TENM2: variants seen among roughly 807,000 people sequenced by gnomAD.
TENM2 encodes the protein teneurin-2.
In TENM2, 52 loss-of-function variants were observed where a neutral mutation model predicts 245.2. That is an observed-to-expected ratio of 0.21 (90% confidence interval 0.17 to 0.27). The LOEUF (loss-of-function observed/expected upper bound fraction) is 0.27. Among genes scored for constraint, TENM2 ranks in the 10% least tolerant of loss-of-function variants. The pLI, the probability that TENM2 is intolerant of heterozygous loss-of-function variation, is 1.00. For synonymous variants in TENM2, 1,363 were observed against 1,438.9 expected (o/e 0.95, Z 1.19); for missense variants, 3,046 against 3,666.8 (o/e 0.83, Z 4.37).
At chr5:167,609,817 C>T (rs1777351912) in intron 2 of TENM2, among the ~76,000 whole-genome samples, 1 of 152,088 alleles carries the variant, frequency 6.6e-6, no homozygotes, top group African/African-American at 2.4e-5. Flanking sequence ...CTTCTGGTCA[C>T]CAAAATGTGT....
chr5:168,124,791 C>A, intron 10 of TENM2, 59 bp from the exon 13 acceptor site: 5 of 1,489,454 alleles, frequency 3.4e-6, no homozygotes, highest in Middle Eastern at 1.7e-4. Flanking sequence ...GTCTCATGGT[C>A]CATCCTCCAT....
intron 2 of TENM2, among the ~76,000 whole-genome samples, chr5:167,666,858 G>A (rs980455757): frequency 5.3e-5 from 8 of 152,106 alleles, no homozygotes; most frequent in African/African-American, 1.9e-4. Flanking sequence ...CTTAATTTGG[G>A]GGAGAATAAA....
chr5:167,341,013 G>A (rs919075003), intron 1 of TENM2, among the ~76,000 whole-genome samples: 1 of 152,092 alleles, frequency 6.6e-6, no homozygotes, highest in African/African-American at 2.4e-5. Context: ...AGACCCTCTT[G>A]GTTTGCAGAA....
chr5:168,249,011 C>T (rs1322164296), intron 27 of TENM2, among the ~76,000 whole-genome samples: 2 of 151,674 alleles, frequency 1.3e-5, no homozygotes, highest in Non-Finnish European at 2.9e-5. Flanking sequence ...CCCAGCTACT[C>T]AGGAGGCTGA....
chr5:167,379,877 C>T (rs552745421), intron 2 of TENM2, among the ~76,000 whole-genome samples: 10 of 147,496 alleles, frequency 6.8e-5, no homozygotes, highest in African/African-American at 2.5e-4. Flanking sequence ...TTCCATGGAA[C>T]CTAAAGAAAA....
chr5:167,420,172 T>C (rs1190003077), intron 2 of TENM2, among the ~76,000 whole-genome samples: 1 of 152,202 alleles, frequency 6.6e-6, no homozygotes, highest in Non-Finnish European at 1.5e-5. Flanking sequence ...AAAGCACGTG[T>C]CCGTGAAAAG....
chr5:167,272,758 C>T, the TENM2 span, among the ~76,000 whole-genome samples: 2 of 152,088 alleles, frequency 1.3e-5, no homozygotes, highest in Admixed American at 6.6e-5. Flanking sequence ...TACCATACAT[C>T]CTAAAGGTGC....
At chr5:167,936,196 A>T (rs956941277) in intron 3 of TENM2, among the ~76,000 whole-genome samples, 1 of 152,162 alleles carries the variant, frequency 6.6e-6, no homozygotes, top group Non-Finnish European at 1.5e-5. Context: ...TGTGATGAGT[A>T]ATGTAGTCCT....
At chr5:168,165,642 C>T (rs1278942883) in intron 13 of TENM2, among the ~76,000 whole-genome samples, 2 of 14,030 alleles carry the variant, frequency 1.4e-4, no homozygotes, top group African/African-American at 9.5e-4. Context: ...CAGGATCCCC[C>T]CCCCAACCCC....
chr5:167,025,191 AT>A, the TENM2 span, among the ~76,000 whole-genome samples: 27 of 152,314 alleles, frequency 1.8e-4, no homozygotes, highest in Admixed American at 1.5e-3. Flanking sequence ...TTAATAATAT[AT>A]TTTTTAGCCC....
intron 2 of TENM2, among the ~76,000 whole-genome samples, chr5:167,612,486 A>G (rs950983271): frequency 1.5e-4 from 23 of 152,162 alleles, no homozygotes; most frequent in African/African-American, 4.6e-4. Flanking sequence ...TTCCATGGCT[A>G]CATACCCAAT....
At chr5:168,223,157 T>A (rs1453734868) in intron 23 of TENM2, among the ~76,000 whole-genome samples, 1 of 152,226 alleles carries the variant, frequency 6.6e-6, no homozygotes, top group Non-Finnish European at 1.5e-5. Flanking sequence ...TTTCTCCCTT[T>A]GGCCCATGAG....
intron 2 of TENM2, among the ~76,000 whole-genome samples, chr5:167,583,301 C>G (rs2127687128): frequency 6.6e-6 from 1 of 152,218 alleles, no homozygotes; most frequent in Admixed American, 6.5e-5. Flanking sequence ...ATAAGCTATT[C>G]CCATATTTGT....
At position 167,401,878 on chromosome 5, in the gene TENM2, A is replaced by C. The variant is rs143050103; in HGVS notation, c.502+26405A>C. Among the ~76,000 whole-genome samples, 899 of 152,210 alleles carry C rather than the reference A, an allele frequency of 5.9e-3. 12 individuals are homozygous for C. The highest frequency in any genetic ancestry group is 0.021 in the African/African-American group (853 of 41,546). On this transcript the variant is annotated intron_variant, in intron 2 of 28. Coordinates refer to ENST00000518659, the Ensembl canonical transcript of TENM2. ...TCTTTGTCATTTCCCTAAGTGACAG[A>C]GGAGAAAGGAAGGTGGATAAAAACA...
At chr5:167,514,784 G>A (rs879436223) in intron 2 of TENM2, among the ~76,000 whole-genome samples, 1 of 152,152 alleles carries the variant, frequency 6.6e-6, no homozygotes, top group Admixed American at 6.5e-5. Flanking sequence ...GCTGAGGGGG[G>A]TGGATCACCT....
At chr5:167,088,016 T>A in the TENM2 span, among the ~76,000 whole-genome samples, 2 of 152,014 alleles carry the variant, frequency 1.3e-5, no homozygotes, top group African/African-American at 4.8e-5. Context: ...TCTCAAACTC[T>A]TGACTTCTTG....
intron 2 of TENM2, among the ~76,000 whole-genome samples, chr5:167,621,966 A>C (rs1778204709): frequency 6.6e-6 from 1 of 152,182 alleles, no homozygotes; most frequent in Non-Finnish European, 1.5e-5. Flanking sequence ...TACATTATAA[A>C]AATCTTAAAG....
At chr5:167,218,886 C>T in the TENM2 span, among the ~76,000 whole-genome samples, 1 of 152,138 alleles carries the variant, frequency 6.6e-6, no homozygotes, top group Admixed American at 6.5e-5. Context: ...TCTAATTATT[C>T]CTGTTTTACA....
the TENM2 span, among the ~76,000 whole-genome samples, chr5:167,044,844 G>C: frequency 2.0e-5 from 3 of 152,184 alleles, no homozygotes; most frequent in Non-Finnish European, 4.4e-5. Flanking sequence ...GCAGTTTTTG[G>C]AATGCTTGTG....
Sources: allele counts gnomAD v4.1 joint callset (sites outside exome capture counted in the v4.1 genomes callset), GRCh38; gene constraint gnomAD v4.1.1; transcripts MANE v1.5; gene names NCBI Gene and HGNC (gene_info 2026-07-23, HGNC 2026-07-21).